EPB41L2: variants seen among roughly 807,000 people sequenced by gnomAD.
EPB41L2 encodes the protein erythrocyte membrane protein band 4.1 like 2, also known as band 4.1-like protein 2.
EPB41L2 carries 43 observed loss-of-function variants against 113.0 expected under a neutral mutation model. The ratio of observed to expected loss-of-function variants is 0.38; its 90% confidence interval spans 0.30 to 0.49. The LOEUF (loss-of-function observed/expected upper bound fraction) is 0.49. Ranked by LOEUF, EPB41L2 falls within the 20% of genes least tolerant of loss-of-function variation. The pLI, the probability that EPB41L2 is intolerant of heterozygous loss-of-function variation, is 0.95. For missense variants in EPB41L2, 1,147 were observed against 1,223.4 expected (o/e 0.94, Z 0.93); for synonymous variants, 442 against 436.7 (o/e 1.01, Z -0.15).
At chr6:130,970,319 T>C (rs1374146507) in intron 1 of EPB41L2, 1 of 152,202 alleles carries the variant, frequency 6.6e-6, no homozygotes, top group African/African-American at 2.4e-5. Context: ...TGTCTGCTAT[T>C]TCCTGTCATT....
At chr6:130,948,975 A>C (rs868155085) in intron 3 of EPB41L2, among the ~76,000 whole-genome samples, 5 of 152,214 alleles carry the variant, frequency 3.3e-5, no homozygotes, top group Admixed American at 1.3e-4. Flanking sequence ...CTGATAAACT[A>C]AGCAGTTAAA....
chr6:130,867,588 T>C lies in EPB41L2; in HGVS notation c.2608-7A>G, dbSNP rs750881541. 5 of 1,613,360 alleles carry C rather than the reference T, an allele frequency of 3.1e-6. No individual in the cohort carries two copies. The South Asian group carries it at 5.5e-5, about 18-fold the overall frequency. On this transcript the variant is annotated splice_region_variant and splice_polypyrimidine_tract_variant and intron_variant, in intron 15 of 19. Transcript: ENST00000337057. ...CTGTTTTTACCACTGGTGGCTGAGGTGGAAAAGGAAGGGAAAAATAAATTC... is the reference window on the plus strand; with the variant it reads ...CTGTTTTTACCACTGGTGGCTGAGGCGGAAAAGGAAGGGAAAAATAAATTC...
At chr6:130,915,774 C>T (rs772843400) in intron 4 of EPB41L2, among the ~76,000 whole-genome samples, 104 of 152,174 alleles carry the variant, frequency 6.8e-4, no homozygotes, top group Non-Finnish European at 3.4e-4. Flanking sequence ...ATGGGTCTCA[C>T]GAGATCTAAT....
intron 4 of EPB41L2, among the ~76,000 whole-genome samples, chr6:130,917,159 T>C (rs1583427051): frequency 6.6e-6 from 1 of 152,236 alleles, no homozygotes; most frequent in African/African-American, 2.4e-5. Context: ...CTGGCATTAG[T>C]AGTCTGGGTG....
At chr6:130,942,717 A>C (rs959479134) in intron 3 of EPB41L2, among the ~76,000 whole-genome samples, 2 of 152,170 alleles carry the variant, frequency 1.3e-5, no homozygotes, top group Admixed American at 1.3e-4. Context: ...CCTGTCATCT[A>C]CATTAGGTAT....
Position 130,870,681 on chromosome 6 carries a change from T to C in EPB41L2, c.2044-555A>G, listed in dbSNP as rs568661896. Among the ~76,000 whole-genome samples, 5 of 152,234 alleles carry C rather than the reference T, an allele frequency of 3.3e-5. No individual in the cohort carries two copies. In the South Asian group the frequency reaches 1.0e-3, roughly 31 times the overall value. On this transcript the variant is annotated intron_variant, in intron 14 of 19. Transcript: ENST00000337057. Reference sequence around the variant, plus strand: ...GAATTATACCAAAGCTGACTCATCATTTTAAAGAAAAAAATTTAACTTTTA... The same window carrying C: ...GAATTATACCAAAGCTGACTCATCACTTTAAAGAAAAAAATTTAACTTTTA...
At chr6:130,926,251 A>G (rs1045560775) in intron 4 of EPB41L2, among the ~76,000 whole-genome samples, 1 of 152,230 alleles carries the variant, frequency 6.6e-6, no homozygotes, top group African/African-American at 2.4e-5. Flanking sequence ...TTAGTACCGA[A>G]AGGCCAGACT....
chr6:130,967,327 C>T (rs1775517311), intron 1 of EPB41L2, among the ~76,000 whole-genome samples: 1 of 152,076 alleles, frequency 6.6e-6, no homozygotes, highest in Non-Finnish European at 1.5e-5. Context: ...ATAAGTGGAC[C>T]TATGCAGTGT....
chr6:131,010,275 C>CA (rs1786601433), intron 1 of EPB41L2, among the ~76,000 whole-genome samples: 1 of 152,138 alleles, frequency 6.6e-6, no homozygotes, highest in African/African-American at 2.4e-5. Flanking sequence ...CATGTCTGCC[C>CA]AAAGACAGAG....
intron 16 of EPB41L2, 76 bp from the exon 17 acceptor site, chr6:130,865,710 C>G: frequency 7.2e-7 from 1 of 1,387,172 alleles, no homozygotes; most frequent in South Asian, 1.2e-5. Flanking sequence ...CCCGCCCCAT[C>G]GAATATGCAT....
chr6:131,010,769 C>A (rs1416463800), intron 1 of EPB41L2, among the ~76,000 whole-genome samples: 1 of 152,096 alleles, frequency 6.6e-6, no homozygotes, highest in Non-Finnish European at 1.5e-5. Context: ...AATCCATATA[C>A]CAGCAAATAG....
chr6:131,022,425 C>T (rs892261596), intron 1 of EPB41L2, among the ~76,000 whole-genome samples: 2 of 152,132 alleles, frequency 1.3e-5, no homozygotes, highest in African/African-American at 4.8e-5. Flanking sequence ...ATAGATAACC[C>T]TCCACCAGCT....
chr6:131,047,034 C>T (rs751367059), intron 1 of EPB41L2, among the ~76,000 whole-genome samples: 47 of 152,218 alleles, frequency 3.1e-4, no homozygotes, highest in African/African-American at 5.5e-4. Flanking sequence ...GGGTTCAAAC[C>T]GCTGCTCCAC....
At chr6:130,881,240 C>A (rs185733838) in intron 12 of EPB41L2, 1 of 152,126 alleles carries the variant, frequency 6.6e-6, no homozygotes, top group Non-Finnish European at 1.5e-5. Flanking sequence ...AATATATATC[C>A]TTTTCCTTCT....
chr6:130,996,537 T>C lies in EPB41L2; in HGVS notation c.-14-40038A>G, dbSNP rs13214085. ...ATGTCTTTCTGATGCACATCTTCTG[T>C]AGGCAATAAATGTACACACTTTCTA... On this transcript the variant is annotated intron_variant, in intron 1 of 19. Transcript: ENST00000337057. Among the ~76,000 whole-genome samples the C allele has an allele frequency of 1.4e-3, 207 of 152,350 alleles. 1 individual carries two copies. Among genetic ancestry groups the C allele is most frequent in the South Asian group, 0.011 (54 of 4,834 alleles).
intron 4 of EPB41L2, among the ~76,000 whole-genome samples, chr6:130,922,609 A>G (rs1028609018): frequency 2.0e-5 from 3 of 152,200 alleles, no homozygotes; most frequent in East Asian, 1.9e-4. Flanking sequence ...TTCTGCATCT[A>G]TAAGTGTAGT....
chr6:130,925,070 T>G (rs1362051132), intron 4 of EPB41L2, among the ~76,000 whole-genome samples: 1 of 152,164 alleles, frequency 6.6e-6, no homozygotes, highest in Non-Finnish European at 1.5e-5. Context: ...AAAGCTGAAT[T>G]GACATAAATT....
chr6:130,887,699 T>C (rs1449289753), intron 11 of EPB41L2, among the ~76,000 whole-genome samples: 1 of 152,244 alleles, frequency 6.6e-6, no homozygotes, highest in Non-Finnish European at 1.5e-5. Flanking sequence ...GTCCTTTCCT[T>C]GGCTGCCTCC....
chr6:130,861,193 C>A (rs1781900316), intron 18 of EPB41L2, among the ~76,000 whole-genome samples: 1 of 152,030 alleles, frequency 6.6e-6, no homozygotes, highest in Non-Finnish European at 1.5e-5. Flanking sequence ...CTGCCTCAGC[C>A]TCCCAAGTAG....
Sources: gnomAD v4.1 joint callset for allele counts (sites outside exome capture counted in the v4.1 genomes callset) on GRCh38, gnomAD v4.1.1 for gene constraint, MANE v1.5 for transcripts, NCBI Gene and HGNC (gene_info 2026-07-23, HGNC 2026-07-21) for gene names.